Variants in OS9 observed in about 807,000 individuals in gnomAD.
The protein encoded by OS9 is OS9 endoplasmic reticulum lectin, also known as protein OS-9.
A neutral mutation model predicts 84.7 loss-of-function variants in OS9; 58 were observed. The observed-to-expected ratio is 0.68, with a 90% CI of 0.55 to 0.85. The LOEUF is 0.85. Among genes scored for constraint, OS9 ranks in the 40% least tolerant of loss-of-function variants. OS9 has a pLI of 0.00. For missense variants in OS9, 760 were observed against 850.9 expected (o/e 0.89, Z 1.33); for synonymous variants, 278 against 320.8 (o/e 0.87, Z 1.43).
intron 5 of OS9, among the ~76,000 whole-genome samples, chr12:57,697,936 C>CCTA (rs1565767248): frequency 2.1e-5 from 3 of 143,732 alleles, no homozygotes; most frequent in Admixed American, 6.9e-5. Context: ...CACACACACA[C>CCTA]ACACACACAC....
At chr12:57,714,761 A>G (rs1954433713) in intron 5 of OS9, among the ~76,000 whole-genome samples, 1 of 151,884 alleles carries the variant, frequency 6.6e-6, no homozygotes, top group African/African-American at 2.4e-5. Flanking sequence ...ACACCTCGCT[A>G]ATTTTTAAAA....
chr12:57,694,491 G>A (rs1953764691), intron 1 of OS9, among the ~76,000 whole-genome samples, 168 bp downstream of exon 1: 1 of 152,066 alleles, frequency 6.6e-6, no homozygotes, highest in South Asian at 2.1e-4. Flanking sequence ...CCAATTCTCT[G>A]GGGGCCAGGA....
chr12:57,695,538 A>C (rs750135094), intron 2 of OS9: 2 of 688,520 alleles, frequency 2.9e-6, no homozygotes, highest in South Asian at 3.0e-5. Flanking sequence ...AAAATCTTTT[A>C]AAAGGGAGGA....
chr12:57,704,547 A>AT (rs1285410813), intron 5 of OS9, among the ~76,000 whole-genome samples: 1 of 151,996 alleles, frequency 6.6e-6, no homozygotes, highest in Non-Finnish European at 1.5e-5. Context: ...CAAAAAAAAA[A>AT]AGATATTAGT....
At chr12:57,715,014 T>C (rs529649910) in intron 5 of OS9, among the ~76,000 whole-genome samples, 19 of 152,306 alleles carry the variant, frequency 1.2e-4, no homozygotes, top group Non-Finnish European at 1.9e-4. Flanking sequence ...TGAAGTTTTT[T>C]ACCATATGCA....
In OS9 at chr12:57,694,879, A is replaced by G; in HGVS notation, c.292A>G (p.Ile98Val). Residue 98 changes from isoleucine to valine, a missense_variant, in exon 2 of 15, where the codon ATC becomes GTC. Ile to Val is a conservative substitution (Grantham distance 29). Transcript: ENST00000315970. ...AACACCTGCTTACCAAGGGCCTGGG[A>G]TCCCTGAGTTGTTGAGCCCAATGAG... ...EETPAYQGPGIPELLSPMRDA... is the reference protein window; with the variant it reads ...EETPAYQGPGVPELLSPMRDA... 3.7e-6 allele frequency: 6 copies of G among 1,614,104 alleles called. No individual in the cohort carries two copies. Among genetic ancestry groups the G allele is most frequent in the Non-Finnish European group, 5.1e-6 (6 of 1,180,006 alleles).
At chr12:57,700,233 G>A (rs971958360) in intron 5 of OS9, among the ~76,000 whole-genome samples, 2 of 152,192 alleles carry the variant, frequency 1.3e-5, no homozygotes, top group African/African-American at 2.4e-5. Context: ...TGGTTGGTGT[G>A]TGTTTTAAGA....
Position 57,701,468 on chromosome 12 carries a change from G to A in OS9, c.579+5095G>A, listed in dbSNP as rs143052149. On this transcript the variant is annotated intron_variant, in intron 5 of 14. Transcript: ENST00000315970. ...TTTTTATATTTTTAGTAGGGAAGGG[G>A]TTTCACCATGTTGGCCAGGCTGGTC... Among the ~76,000 whole-genome samples the A allele has an allele frequency of 5.7e-3, 866 of 151,950 alleles. 12 individuals carry two copies. The highest frequency in any genetic ancestry group is 0.02 in the African/African-American group (825 of 41,410).
At chr12:57,696,148 C>A in intron 4 of OS9, 110 bp downstream of exon 4, 1 of 1,212,838 alleles carries the variant, frequency 8.2e-7, no homozygotes, top group Non-Finnish European at 1.2e-6. Context: ...GCTTGGTGGC[C>A]ATTAGGACAA....
chr12:57,720,153 G>A lies in OS9; in HGVS notation c.1655G>A (p.Gly552Asp), dbSNP rs1954632081. The A allele has an allele frequency of 6.2e-7, 1 of 1,614,194 alleles. No homozygotes were observed. ...CGGGTCACCAAGCTCCGTCTCGGAGGCCCTAATCAGGATCTGACTGTCCTC... is the reference window on the plus strand; with the variant it reads ...CGGGTCACCAAGCTCCGTCTCGGAGACCCTAATCAGGATCTGACTGTCCTC... Reference protein sequence around the residue: ...RVRVTKLRLGGPNQDLTVLEM... With the variant: ...RVRVTKLRLGDPNQDLTVLEM... The change falls in exon 13 of 15, where the codon GGC (glycine) becomes GAC (aspartate). Residue 552 changes from glycine (G) to aspartate (D), a missense_variant. Gly to Asp is a moderately conservative substitution (Grantham distance 94). Transcript: ENST00000315970.
chr12:57,695,152 G>T, intron 2 of OS9: 1 of 560,816 alleles, frequency 1.8e-6, no homozygotes, highest in Non-Finnish European at 3.2e-6. Context: ...TCAGAAAAGG[G>T]CTAAAGCAAG....
At chr12:57,702,087 G>A (rs1235208660) in intron 5 of OS9, among the ~76,000 whole-genome samples, 1 of 152,180 alleles carries the variant, frequency 6.6e-6, no homozygotes, top group Admixed American at 6.5e-5. Context: ...GAGCCACCAT[G>A]CCTGGCCCTC....
intron 5 of OS9, among the ~76,000 whole-genome samples, chr12:57,703,981 TC>T (rs553130681): frequency 2.1e-3 from 317 of 152,312 alleles, no homozygotes; most frequent in African/African-American, 7.0e-3. Flanking sequence ...CTGAAGACAT[TC>T]CCTCCTATTC....
chr12:57,720,094 C>T lies in OS9; in HGVS notation c.1601-5C>T, dbSNP rs369235371. On this transcript the variant is annotated splice_polypyrimidine_tract_variant and splice_region_variant and intron_variant, in intron 12 of 14. Transcript: ENST00000315970. ...TGTGTTTCCCTGTGTGTCTCCCCCT[C>T]TAAGAGGAGGATCCTGAGCACAGAG... 14 of 1,613,110 alleles carry T rather than the reference C, an allele frequency of 8.7e-6. No individual in the cohort carries two copies. The highest frequency in any genetic ancestry group is 2.7e-5 in the African/African-American group (2 of 74,910).
Position 57,716,096 on chromosome 12 carries a change from A to G in OS9, c.795A>G (p.Ser265=). The change falls in exon 7 of 15, where the codon TCA becomes TCG. Residue 265 remains serine (S), a synonymous_variant. Coordinates refer to ENST00000315970, the MANE Select transcript of OS9 (RefSeq NM_006812.4). The stretch of plus-strand genomic sequence containing the variant: ...TTGCATGCTGTTTCTCAGTAGACTC[A>G]AAGCAGTATGGAGATAAAATCATAG... ...YMAYVQRQAD[S]KQYGDKIIEE... 6.2e-7 allele frequency: 1 copy of G among 1,613,118 alleles called. No homozygotes were observed. Among genetic ancestry groups the G allele is most frequent in the Non-Finnish European group, 8.5e-7 (1 of 1,179,184 alleles).
chr12:57,709,567 G>A (rs1954268983), intron 5 of OS9, among the ~76,000 whole-genome samples: 1 of 152,140 alleles, frequency 6.6e-6, no homozygotes, highest in Admixed American at 6.5e-5. Flanking sequence ...GCGCTTGAAA[G>A]CATGTCTTTT....
At chr12:57,711,789 A>G (rs1011254972) in intron 5 of OS9, among the ~76,000 whole-genome samples, 1 of 152,206 alleles carries the variant, frequency 6.6e-6, no homozygotes, top group Non-Finnish European at 1.5e-5. Context: ...ATGTGTAAAT[A>G]TATCTTACAT....
At position 57,694,284 on chromosome 12, in the gene OS9, T is replaced by C; in HGVS notation, c.123T>C (p.Tyr41=). The change falls in exon 1 of 15, where the codon TAT becomes TAC. Residue 41 remains tyrosine (Y), a synonymous_variant. Coordinates refer to ENST00000315970, the MANE Select transcript of OS9 (RefSeq NM_006812.4). ...LNLEELSEMR[Y]GIEILPLPVM... Reference sequence around the variant, plus strand: ...TGGAGGAGCTGAGTGAGATGCGTTATGGGATCGAGATCCTGCCGTTGCCTG... The same window carrying C: ...TGGAGGAGCTGAGTGAGATGCGTTACGGGATCGAGATCCTGCCGTTGCCTG... 2.5e-6 allele frequency: 4 copies of C among 1,614,058 alleles called. No homozygotes were observed. Among genetic ancestry groups the C allele is most frequent in the Non-Finnish European group, 3.4e-6 (4 of 1,180,004 alleles).
At chr12:57,712,878 T>G (rs1345730542) in intron 5 of OS9, among the ~76,000 whole-genome samples, 1 of 151,900 alleles carries the variant, frequency 6.6e-6, no homozygotes, top group Non-Finnish European at 1.5e-5. Flanking sequence ...TTTGACTGTT[T>G]CTTTCATGAA....
Sources: gnomAD v4.1 joint callset for allele counts (sites outside exome capture counted in the v4.1 genomes callset) on GRCh38, gnomAD v4.1.1 for gene constraint, MANE v1.5 for transcripts, NCBI Gene and HGNC (gene_info 2026-07-23, HGNC 2026-07-21) for gene names.